The following PARP16 variants were observed in gnomAD, a reference collection of about 807,000 sequenced individuals.
PARP16 encodes poly(ADP-ribose) polymerase family member 16, also known as protein mono-ADP-ribosyltransferase PARP16.
Under a neutral mutation model 35.0 loss-of-function variants are expected in PARP16, and 31 were observed. That is an observed-to-expected ratio of 0.88 (90% confidence interval 0.66 to 1.19). PARP16 has a LOEUF of 1.19. Among genes scored for constraint, PARP16 ranks in the 50% most tolerant of loss-of-function variants. The pLI, the probability that PARP16 is intolerant of heterozygous loss-of-function variation, is 0.00. For synonymous variants in PARP16, 162 were observed against 169.5 expected (o/e 0.96, Z 0.34); for missense variants, 424 against 411.2 (o/e 1.03, Z -0.27).
rs552325543 is a variant in PARP16, at chr15:65,244,773, T to A, written c.*97+3344A>T. On this transcript the variant is annotated intron_variant and NMD_transcript_variant, in intron 3 of 3. Coordinates refer to the PARP16 transcript ENST00000559805. ...ATGACTATTTGTTGAATATGTAGAC[T>A]AACAGGATGGCCTATTGGTTAATCA... Among the ~76,000 whole-genome samples the A allele has an allele frequency of 2.6e-5, 4 of 152,368 alleles. No individual in the cohort carries two copies. The South Asian group carries it at 6.2e-4, about 24-fold the overall frequency.
chr15:65,257,655 A>T (rs1473654878), downstream of PARP16, among the ~76,000 whole-genome samples: 2 of 148,644 alleles, frequency 1.3e-5, no homozygotes, highest in African/African-American at 4.9e-5. Context: ...AAAAAAAAGT[A>T]GATAAGGCCT....
Position 65,286,267 on chromosome 15 carries a change from C to T in PARP16, c.160G>A (p.Asp54Asn). ...AGCACACTCACCAGGGCTTCAAAGT[C>T]CTTACAGTCGCCGCGGGCGTAGGAC... ...PASYARGDCK[D>N]FEALLADASK... is the part of the protein sequence containing the mutation. Residue 54 changes from aspartate to asparagine, a missense_variant, in exon 1 of 6, where the codon GAC becomes AAC. Coordinates refer to ENST00000649807, the MANE Select transcript of PARP16 (RefSeq NM_001316943.2). 1 of 1,588,294 alleles carries T rather than the reference C, an allele frequency of 6.3e-7. No homozygotes were observed. Among genetic ancestry groups the T allele is most frequent in the Non-Finnish European group, 8.5e-7 (1 of 1,169,736 alleles).
At chr15:65,236,962 ACT>A (rs2088896074) in intron 3 of PARP16, among the ~76,000 whole-genome samples, 1 of 144,034 alleles carries the variant, frequency 6.9e-6, no homozygotes, top group African/African-American at 2.6e-5. Flanking sequence ...ACAGAGCAAG[ACT>A]CTGTCTCAAA....
Position 65,241,470 on chromosome 15 carries a change from C to T in PARP16, c.*97+6647G>A, listed in dbSNP as rs189775507. Among the ~76,000 whole-genome samples the T allele has an allele frequency of 9.2e-5, 14 of 152,274 alleles. No individual in the cohort carries two copies. The East Asian group carries it at 1.3e-3, about 15-fold the overall frequency. Reference sequence around the variant, plus strand: ...TTCTAAAGTGCTTATACATTCCTACCGCTAGTGTGGAACTGGTTATAGTTG... The same window carrying T: ...TTCTAAAGTGCTTATACATTCCTACTGCTAGTGTGGAACTGGTTATAGTTG... On this transcript the variant is annotated intron_variant and NMD_transcript_variant, in intron 3 of 3. Transcript: ENST00000559805.
chr15:65,251,541 A>G (rs113941237), intron 2 of PARP16, among the ~76,000 whole-genome samples: 1 of 152,224 alleles, frequency 6.6e-6, no homozygotes, highest in Non-Finnish European at 1.5e-5. Context: ...GAGACTTTGC[A>G]TGGCAGCCAG....
At chr15:65,285,067 G>T (rs151324158) in intron 1 of PARP16, among the ~76,000 whole-genome samples, 1 of 151,598 alleles carries the variant, frequency 6.6e-6, no homozygotes, top group Admixed American at 6.6e-5. Context: ...TTACAGGCAT[G>T]AGCCACTCAG....
At chr15:65,247,654 T>C (rs2089243986) in intron 3 of PARP16, among the ~76,000 whole-genome samples, 1 of 152,072 alleles carries the variant, frequency 6.6e-6, no homozygotes, top group South Asian at 2.1e-4. Flanking sequence ...CCAGCCTGTC[T>C]ACCCAGGCAA....
At chr15:65,231,273 A>C (rs1367921228), downstream of PARP16, among the ~76,000 whole-genome samples, 3 of 152,166 alleles carry the variant, frequency 2.0e-5, no homozygotes, top group African/African-American at 7.2e-5. Context: ...TGAGGCATTG[A>C]GTCCATTTAC....
At chr15:65,238,819 G>A (rs1455994829) in intron 3 of PARP16, among the ~76,000 whole-genome samples, 1 of 152,160 alleles carries the variant, frequency 6.6e-6, no homozygotes, top group Non-Finnish European at 1.5e-5. Flanking sequence ...ACCCATGAAA[G>A]CATCAGTATA....
intron 1 of PARP16, among the ~76,000 whole-genome samples, chr15:65,278,009 G>A (rs2090308472): frequency 6.6e-6 from 1 of 152,220 alleles, no homozygotes; most frequent in Admixed American, 6.5e-5. Context: ...TTATCCAAGA[G>A]GAAGGCAGGT....
At chr15:65,264,969 C>A (rs1284357919) in intron 3 of PARP16, among the ~76,000 whole-genome samples, 6 of 152,238 alleles carry the variant, frequency 3.9e-5, no homozygotes, top group African/African-American at 1.4e-4. Flanking sequence ...CTTCTCCAGG[C>A]CAGCACCAGT....
chr15:65,259,112 G>A lies in PARP16; in HGVS notation c.*295C>T. On this transcript the variant is annotated 3_prime_UTR_variant, in exon 6 of 6. Coordinates refer to ENST00000649807, the MANE Select transcript of PARP16 (RefSeq NM_001316943.2). ...GGACACTTTGTTTTTAAATGCAGCAGGGCTTTTTCCTTTGGCCCTGGCTGA... is the reference window on the plus strand; with the variant it reads ...GGACACTTTGTTTTTAAATGCAGCAAGGCTTTTTCCTTTGGCCCTGGCTGA... The A allele has an allele frequency of 3.7e-6, 1 of 271,340 alleles. No homozygotes were observed. Among genetic ancestry groups the A allele is most frequent in the Non-Finnish European group, 7.0e-6 (1 of 142,530 alleles). 16.8% of individuals were successfully genotyped at this position (271,340 alleles called of 1,614,324 possible). A position where few individuals can be genotyped will look rare whatever the true frequency, so the allele number is the denominator to read the frequency against.
intron 4 of PARP16, among the ~76,000 whole-genome samples, chr15:65,261,683 G>A (rs1251106219): frequency 6.6e-6 from 1 of 151,608 alleles, no homozygotes. Flanking sequence ...CTCAAACTCC[G>A]GACACCTCAG....
chr15:65,258,527 G>A lies in PARP16; in HGVS notation c.*880C>T, dbSNP rs961855171. 1.3e-5 allele frequency: 2 copies of A among 152,302 alleles called. No homozygotes were observed. The highest frequency in any genetic ancestry group is 2.4e-5 in the African/African-American group (1 of 41,454). The allele number at this position is 152,302 out of a possible 1,614,324, so 9.4% of individuals were successfully genotyped here. A position where few individuals can be genotyped will look rare whatever the true frequency, so the allele number is the denominator to read the frequency against. ...CTTTGTGAGAATGAGAACAGGAGGC[G>A]AGCCTATAGCTCAAATCCCTTTCTC... On this transcript the variant is annotated 3_prime_UTR_variant, in exon 6 of 6. Transcript: ENST00000649807.
intron 3 of PARP16, among the ~76,000 whole-genome samples, chr15:65,245,588 A>T (rs927185844): frequency 3.3e-5 from 5 of 152,084 alleles, no homozygotes. Flanking sequence ...CTTGTATGGA[A>T]GCAGCTGTTT....
At chr15:65,238,072 G>C (rs897159914) in intron 3 of PARP16, among the ~76,000 whole-genome samples, 2 of 152,160 alleles carry the variant, frequency 1.3e-5, no homozygotes, top group Admixed American at 6.5e-5. Flanking sequence ...GATCACCTGA[G>C]GTCCGGAGTT....
At chr15:65,233,749 A>G (rs1261381395), downstream of PARP16, among the ~76,000 whole-genome samples, 2 of 152,096 alleles carry the variant, frequency 1.3e-5, no homozygotes, top group African/African-American at 4.8e-5. Flanking sequence ...AATTAAAAAA[A>G]AAAAAAAAAA....
intron 1 of PARP16, among the ~76,000 whole-genome samples, chr15:65,279,116 T>C (rs963361374): frequency 6.6e-6 from 1 of 152,280 alleles, no homozygotes; most frequent in African/African-American, 2.4e-5. Flanking sequence ...GTAGGGGTTC[T>C]CCTAGGAACT....
chr15:65,239,157 G>A (rs945896920), intron 3 of PARP16, among the ~76,000 whole-genome samples: 8 of 151,966 alleles, frequency 5.3e-5, no homozygotes, highest in Non-Finnish European at 1.0e-4. Context: ...GCTGGGTGCG[G>A]TGGCTCATGC....
Sources: allele counts gnomAD v4.1 joint callset (sites outside exome capture counted in the v4.1 genomes callset), GRCh38; gene constraint gnomAD v4.1.1; transcripts MANE v1.5; gene names NCBI Gene and HGNC (gene_info 2026-07-23, HGNC 2026-07-21).